LARGE1: variants seen among roughly 807,000 people sequenced by gnomAD.
LARGE1 encodes xylosyl- and glucuronyltransferase LARGE1.
In LARGE1, 43 loss-of-function variants were observed where a neutral mutation model predicts 87.6. The observed-to-expected ratio is 0.49, with a 90% CI of 0.38 to 0.63. LARGE1 has a LOEUF of 0.63. Ranked by LOEUF, LARGE1 falls within the 30% of genes least tolerant of loss-of-function variation. The pLI is 0.00. For synonymous variants in LARGE1, 434 were observed against 394.6 expected (o/e 1.10, Z -1.18); for missense variants, 802 against 1,000.2 (o/e 0.80, Z 2.67).
chr22:33,099,869 A>G, the LARGE1 span, among the ~76,000 whole-genome samples: 1 of 152,246 alleles, frequency 6.6e-6, no homozygotes, highest in Non-Finnish European at 1.5e-5. Context: ...GGCCCGAGTC[A>G]GGAAGAGACA....
At chr22:33,592,838 GTT>G (rs2078879813) in intron 5 of LARGE1, among the ~76,000 whole-genome samples, 2 of 130,380 alleles carry the variant, frequency 1.5e-5, no homozygotes, top group African/African-American at 6.0e-5. Flanking sequence ...TTGTTTGTTT[GTT>G]TGTGTGTGTG....
intron 6 of LARGE1, among the ~76,000 whole-genome samples, chr22:33,554,555 C>T (rs921972708): frequency 6.6e-6 from 1 of 152,122 alleles, no homozygotes; most frequent in African/African-American, 2.4e-5. Flanking sequence ...CTCTACGTCC[C>T]CATTCATCTC....
At chr22:33,521,839 A>G (rs957723216) in intron 6 of LARGE1, among the ~76,000 whole-genome samples, 1 of 152,206 alleles carries the variant, frequency 6.6e-6, no homozygotes, top group African/African-American at 2.4e-5. Flanking sequence ...TATAAAGAAA[A>G]GAGGTTTATT....
chr22:33,139,208 A>C, the LARGE1 span, among the ~76,000 whole-genome samples: 3 of 152,218 alleles, frequency 2.0e-5, no homozygotes, highest in Admixed American at 6.5e-5. Context: ...GTGTGAAAAC[A>C]GACTAATACA....
At chr22:33,444,319 TTAAG>T (rs1450152644) in intron 6 of LARGE1, among the ~76,000 whole-genome samples, 1 of 152,258 alleles carries the variant, frequency 6.6e-6, no homozygotes, top group East Asian at 1.9e-4. Context: ...CCAATTTTGA[TTAAG>T]TATTATCACT....
chr22:33,379,601 C>T (rs1379569331), intron 9 of LARGE1, among the ~76,000 whole-genome samples: 5 of 152,158 alleles, frequency 3.3e-5, no homozygotes, highest in African/African-American at 1.2e-4. Context: ...GGCACATATA[C>T]ACCATGGAAC....
intron 1 of LARGE1, among the ~76,000 whole-genome samples, chr22:33,896,924 G>C (rs1227892676): frequency 6.6e-6 from 1 of 152,174 alleles, no homozygotes; most frequent in Non-Finnish European, 1.5e-5. Flanking sequence ...GACCAGACCT[G>C]ATGGTGGGGT....
At chr22:33,227,193 T>C (rs565519620) in intron 11 of LARGE1, among the ~76,000 whole-genome samples, 6 of 152,304 alleles carry the variant, frequency 3.9e-5, no homozygotes, top group Non-Finnish European at 8.8e-5. Flanking sequence ...ACAAAGACAC[T>C]GAGGTACAGA....
intron 4 of LARGE1, among the ~76,000 whole-genome samples, chr22:33,606,709 G>T (rs1446386307): frequency 6.6e-6 from 1 of 152,138 alleles, no homozygotes; most frequent in Non-Finnish European, 1.5e-5. Context: ...GGGATGAGCT[G>T]GATGCTGGGG....
chr22:33,794,649 C>A lies in LARGE1; in HGVS notation c.-82-33091G>T, dbSNP rs551239766. Among the ~76,000 whole-genome samples, 174 of 152,274 alleles carry A rather than the reference C, an allele frequency of 1.1e-3. 1 individual carries two copies. Among genetic ancestry groups the A allele is most frequent in the Admixed American group, 3.3e-3 (50 of 15,274 alleles). On this transcript the variant is annotated intron_variant, in intron 1 of 14. Transcript: ENST00000397394. ...CTTTCTTTTCTTTTTGAGATGGAGT[C>A]TCGCTCTGTCGCCCAGGCTGGAGCA...
At chr22:33,627,362 T>C (rs920809858) in intron 3 of LARGE1, among the ~76,000 whole-genome samples, 4 of 152,198 alleles carry the variant, frequency 2.6e-5, no homozygotes, top group African/African-American at 9.6e-5. Flanking sequence ...CCGGATTTTG[T>C]CCTTTCTACT....
chr22:33,734,516 C>T (rs777318405), intron 2 of LARGE1, among the ~76,000 whole-genome samples: 2 of 152,088 alleles, frequency 1.3e-5, no homozygotes, highest in African/African-American at 2.4e-5. Flanking sequence ...AAGAGTTTTA[C>T]GAGAGGAACT....
At chr22:33,667,773 C>A (rs938495143) in intron 2 of LARGE1, among the ~76,000 whole-genome samples, 7 of 152,190 alleles carry the variant, frequency 4.6e-5, no homozygotes, top group African/African-American at 1.7e-4. Flanking sequence ...TTTAGTTTAT[C>A]ACATACAAAC....
chr22:33,274,333 G>T lies in LARGE1; in HGVS notation c.*94C>A, dbSNP rs1488588207. 1.5e-6 allele frequency: 2 copies of T among 1,316,372 alleles called. No individual in the cohort carries two copies. The highest frequency in any genetic ancestry group is 1.2e-5 in the South Asian group (1 of 85,038). 81.5% of individuals were successfully genotyped at this position (1,316,372 alleles called of 1,614,324 possible). A position where few individuals can be genotyped will look rare whatever the true frequency, so the allele number is the denominator to read the frequency against. ...AGATAAATAAAAACAAACCGAAAAAGCATGGCTCAATTTTGAATTTGAAGG... is the reference window on the plus strand; with the variant it reads ...AGATAAATAAAAACAAACCGAAAAATCATGGCTCAATTTTGAATTTGAAGG... On this transcript the variant is annotated 3_prime_UTR_variant, in exon 15 of 15. Coordinates refer to ENST00000397394, the MANE Select transcript of LARGE1 (RefSeq NM_133642.5).
chr22:33,747,884 C>T (rs2084151748), intron 2 of LARGE1: 1 of 152,184 alleles, frequency 6.6e-6, no homozygotes, highest in Admixed American at 6.5e-5. Flanking sequence ...CAAGAAAGCT[C>T]ATGTCCAAGA....
chr22:33,566,324 T>A (rs1306121999), intron 5 of LARGE1, among the ~76,000 whole-genome samples: 1 of 152,204 alleles, frequency 6.6e-6, no homozygotes, highest in East Asian at 1.9e-4. Flanking sequence ...AACCTGCATA[T>A]GATGTTAAAG....
chr22:33,765,455 G>A (rs1218320894), intron 1 of LARGE1, among the ~76,000 whole-genome samples: 1 of 152,102 alleles, frequency 6.6e-6, no homozygotes, highest in East Asian at 1.9e-4. Context: ...TGTAATCCCA[G>A]CACTTTGGCA....
At chr22:33,660,765 T>G (rs1055215320) in intron 2 of LARGE1, among the ~76,000 whole-genome samples, 1 of 152,256 alleles carries the variant, frequency 6.6e-6, no homozygotes, top group African/African-American at 2.4e-5. Context: ...AATGTGGCTA[T>G]TTACTATAAA....
chr22:33,801,127 CTT>C (rs1169089913), intron 1 of LARGE1, among the ~76,000 whole-genome samples: 2 of 152,174 alleles, frequency 1.3e-5, no homozygotes, highest in East Asian at 3.9e-4. Flanking sequence ...TCATTTCTCT[CTT>C]GCCGCCGCCA....
Sources: allele counts gnomAD v4.1 joint callset (sites outside exome capture counted in the v4.1 genomes callset), GRCh38; gene constraint gnomAD v4.1.1; transcripts MANE v1.5; gene names NCBI Gene and HGNC (gene_info 2026-07-23, HGNC 2026-07-21).